Variants in ABCC4 observed in about 807,000 individuals in gnomAD.
The protein encoded by ABCC4 is ATP binding cassette subfamily C member 4 (PEL blood group).
Under a neutral mutation model 168.5 loss-of-function variants are expected in ABCC4, and 102 were observed. The observed-to-expected ratio is 0.61, with a 90% CI of 0.52 to 0.71. The LOEUF (loss-of-function observed/expected upper bound fraction) is 0.71, where lower values mean the gene tolerates loss of function less well. Among genes scored for constraint, ABCC4 ranks in the 30% least tolerant of loss-of-function variants. The pLI is 0.00. For missense variants in ABCC4, 1,402 were observed against 1,605.8 expected, an observed-to-expected ratio of 0.87 and a Z score of 2.17; for synonymous variants, 617 against 590.7, an observed-to-expected ratio of 1.04 and a Z score of -0.65.
At chr13:95,135,384 C>T (rs918054303) in intron 19 of ABCC4, among the ~76,000 whole-genome samples, 1 of 150,580 alleles carries the variant, frequency 6.6e-6, no homozygotes, top group Non-Finnish European at 1.5e-5. Flanking sequence ...CTACATTTCA[C>T]GATCAGGTAA....
chr13:95,030,059 C>T (rs911755775), intron 30 of ABCC4, among the ~76,000 whole-genome samples: 17 of 152,022 alleles, frequency 1.1e-4, no homozygotes, highest in African/African-American at 3.1e-4. Flanking sequence ...CTTGCTCTGC[C>T]GCCCAGGCTA....
chr13:95,022,125 C>G (rs1012825429), intron 30 of ABCC4, among the ~76,000 whole-genome samples: 3 of 152,146 alleles, frequency 2.0e-5, no homozygotes, highest in African/African-American at 7.2e-5. Context: ...TTTATAAACT[C>G]TGATTGACAA....
At chr13:95,128,986 T>C (rs1341673664) in intron 19 of ABCC4, among the ~76,000 whole-genome samples, 1 of 152,134 alleles carries the variant, frequency 6.6e-6, no homozygotes, top group African/African-American at 2.4e-5. Context: ...TGTGCGTTTT[T>C]GCCTACACTA....
At chr13:95,222,279 T>C (rs2039330680) in intron 4 of ABCC4, among the ~76,000 whole-genome samples, 1 of 152,138 alleles carries the variant, frequency 6.6e-6, no homozygotes, top group Non-Finnish European at 1.5e-5. Context: ...GCTCATACCA[T>C]AACGGCCCAC....
At chr13:95,147,820 T>A (rs963235493) in intron 19 of ABCC4, among the ~76,000 whole-genome samples, 1 of 152,234 alleles carries the variant, frequency 6.6e-6, no homozygotes, top group African/African-American at 2.4e-5. Flanking sequence ...CAACTTCAGC[T>A]GTATCGTTTT....
intron 4 of ABCC4, among the ~76,000 whole-genome samples, chr13:95,218,833 A>G (rs2039197970): frequency 6.6e-6 from 1 of 151,128 alleles, no homozygotes; most frequent in Non-Finnish European, 1.5e-5. Context: ...TCTGGGCAAC[A>G]GAGCAAAACC....
intron 7 of ABCC4, among the ~76,000 whole-genome samples, chr13:95,207,289 A>G (rs575908286): frequency 4.6e-5 from 7 of 152,282 alleles, no homozygotes; most frequent in African/African-American, 7.2e-5. Flanking sequence ...CAGCCTCCCA[A>G]AGTTCTTGGA....
At chr13:95,135,899 A>G (rs888964664) in intron 19 of ABCC4, among the ~76,000 whole-genome samples, 5 of 152,180 alleles carry the variant, frequency 3.3e-5, no homozygotes, top group African/African-American at 1.2e-4. Flanking sequence ...ACTATTACTT[A>G]TCTCATAAAC....
intron 20 of ABCC4, among the ~76,000 whole-genome samples, chr13:95,112,561 C>T (rs2035241985): frequency 6.6e-6 from 1 of 152,192 alleles, no homozygotes; most frequent in Non-Finnish European, 1.5e-5. Flanking sequence ...TACTATACAT[C>T]CTGCCAAAGT....
intron 1 of ABCC4, among the ~76,000 whole-genome samples, chr13:95,296,175 CACACACACAAAA>C (rs1471620532): frequency 7.1e-5 from 7 of 98,252 alleles, no homozygotes; most frequent in Admixed American, 2.4e-4. Context: ...CACACACACA[CACACACACAAAA>C]ACACAAAATT....
chr13:95,163,248 C>T, intron 17 of ABCC4, 32 bp from the exon 18 acceptor site: 1 of 1,391,098 alleles, frequency 7.2e-7, no homozygotes, highest in African/African-American at 1.4e-5. Context: ...AAATATTAAG[C>T]TATATATGAA....
intron 19 of ABCC4, among the ~76,000 whole-genome samples, chr13:95,128,625 C>G (rs1360457152): frequency 5.3e-5 from 8 of 152,172 alleles, no homozygotes; most frequent in Non-Finnish European, 8.8e-5. Flanking sequence ...GGAAAAATCA[C>G]AGACTCAGAA....
chr13:95,229,933 C>G (rs1207996179), intron 4 of ABCC4, among the ~76,000 whole-genome samples: 1 of 152,194 alleles, frequency 6.6e-6, no homozygotes, highest in Admixed American at 6.5e-5. Flanking sequence ...ATAGAAGTAA[C>G]CCCTTGAGAC....
At position 95,083,285 on chromosome 13, in the gene ABCC4, C is replaced by G; in HGVS notation, c.2541G>C (p.Leu847Phe). The change falls in exon 21 of 31, where the codon TTG becomes TTC. Residue 847 changes from leucine (L) to phenylalanine (F), a missense_variant. By Grantham distance (22) the Leu-to-Phe change is conservative. Coordinates refer to ENST00000645237, the MANE Select transcript of ABCC4 (RefSeq NM_005845.5). ...CAGAGACCACACCAACCACTTGTAGCAATGTCTGAAATAGCAGAAGTAGAT... is the reference window on the plus strand; with the variant it reads ...CAGAGACCACACCAACCACTTGTAGGAATGTCTGAAATAGCAGAAGTAGAT... ...PLTFLDFIQT[L>F]LQVVGVVSVA... is the part of the protein sequence containing the mutation. The G allele has an allele frequency of 6.2e-7, 1 of 1,613,358 alleles. No homozygotes were observed. The highest frequency in any genetic ancestry group is 1.1e-5 in the South Asian group (1 of 90,994).
chr13:95,191,438 G>T (rs1026215279), intron 9 of ABCC4, among the ~76,000 whole-genome samples: 2 of 151,886 alleles, frequency 1.3e-5, no homozygotes, highest in African/African-American at 2.4e-5. Context: ...ACCCAGAATA[G>T]GTTTCTTTAC....
chr13:95,255,408 T>C (rs2040368217), intron 1 of ABCC4, among the ~76,000 whole-genome samples: 1 of 152,140 alleles, frequency 6.6e-6, no homozygotes, highest in South Asian at 2.1e-4. Context: ...AAAATAGCCA[T>C]TCTCCATGCC....
At chr13:95,290,113 T>TAGAC (rs1164995062) in intron 1 of ABCC4, among the ~76,000 whole-genome samples, 3,513 of 149,072 alleles carry the variant, frequency 0.024, 67 homozygotes, top group Middle Eastern at 0.051. Context: ...AATAGATAGA[T>TAGAC]AGATAGATAG....
intron 4 of ABCC4, 29 bp downstream of exon 4, chr13:95,234,581 G>C: frequency 6.4e-7 from 1 of 1,567,614 alleles, no homozygotes; most frequent in East Asian, 2.2e-5. Context: ...TTCAGGTGAG[G>C]TACATGTTTA....
chr13:95,126,419 C>T (rs150863655), intron 19 of ABCC4, among the ~76,000 whole-genome samples: 3 of 152,052 alleles, frequency 2.0e-5, no homozygotes, highest in Non-Finnish European at 4.4e-5. Context: ...ATGGAAATTA[C>T]CAGTCAGTGT....
Sources: gnomAD v4.1 joint callset for allele counts (sites outside exome capture counted in the v4.1 genomes callset) on GRCh38, gnomAD v4.1.1 for gene constraint, MANE v1.5 for transcripts, NCBI Gene and HGNC (gene_info 2026-07-23, HGNC 2026-07-21) for gene names.